CDH6: variants seen among roughly 807,000 people sequenced by gnomAD.
CDH6 encodes the protein cadherin-6.
Under a neutral mutation model 78.0 loss-of-function variants are expected in CDH6, and 31 were observed. That is an observed-to-expected ratio of 0.40 (90% CI 0.30 to 0.54). The LOEUF is 0.54. CDH6 is among the 20% of genes least tolerant of loss of function. CDH6 has a pLI of 0.56. For missense variants in CDH6, 724 were observed against 975.9 expected (o/e 0.74, Z 3.44); for synonymous variants, 376 against 368.8 (o/e 1.02, Z -0.23).
At chr5:31,298,224 A>AT (rs752908936) in intron 4 of CDH6, among the ~76,000 whole-genome samples, 18 of 152,210 alleles carry the variant, frequency 1.2e-4, no homozygotes, top group Non-Finnish European at 2.5e-4. Context: ...AATTGCACAC[A>AT]TATTTTTATC....
rs1313038914 is a variant in CDH6 at position 31,325,500 on chromosome 5, T to C, written c.*2192T>C. ...ACAGCACCTTAATCACACGATTTAC[T>C]GTAAAATTAAAGAGGTCTCTATCTG... is the stretch of plus-strand genomic sequence containing the variant. On this transcript the variant is annotated 3_prime_UTR_variant, in exon 12 of 12. Transcript: ENST00000265071. 1 of 231,048 alleles carries C rather than the reference T, an allele frequency of 4.3e-6. No individual in the cohort carries two copies. The highest frequency in any genetic ancestry group is 8.6e-6 in the Non-Finnish European group (1 of 116,798). 14.3% of individuals were successfully genotyped at this position (231,048 alleles called of 1,614,324 possible). A position where few individuals can be genotyped will look rare whatever the true frequency, so the allele number is the denominator to read the frequency against.
At chr5:31,258,257 A>G (rs1171898918) in intron 1 of CDH6, among the ~76,000 whole-genome samples, 1 of 152,232 alleles carries the variant, frequency 6.6e-6, no homozygotes, top group Non-Finnish European at 1.5e-5. Flanking sequence ...TCAGTGATAG[A>G]CTGGATAAAG....
intron 1 of CDH6, among the ~76,000 whole-genome samples, chr5:31,223,914 A>G (rs1741070407): frequency 6.6e-6 from 1 of 152,224 alleles, no homozygotes; most frequent in Non-Finnish European, 1.5e-5. Flanking sequence ...TTTATCAATG[A>G]TGGTGATAAT....
In CDH6 at chr5:31,326,596, G is replaced by A. The variant is rs797007205; in HGVS notation, c.*3288G>A. The A allele has an allele frequency of 5.5e-6, 1 of 182,592 alleles. No individual in the cohort carries two copies. The highest frequency in any genetic ancestry group is 2.4e-5 in the African/African-American group (1 of 41,926). 11.3% of individuals were successfully genotyped at this position (182,592 alleles called of 1,614,324 possible). On this transcript the variant is annotated 3_prime_UTR_variant, in exon 12 of 12. Coordinates refer to ENST00000265071, the MANE Select transcript of CDH6 (RefSeq NM_004932.4). ...TCCCTTTTCAGATGGAACAAAACCT[G>A]CCCATTTAATTTTAACGCAGTATAA...
chr5:31,277,460 G>A (rs753706696), intron 2 of CDH6, among the ~76,000 whole-genome samples: 6 of 152,260 alleles, frequency 3.9e-5, no homozygotes, highest in South Asian at 2.1e-4. Flanking sequence ...GATTAATATC[G>A]TAATCTCCTT....
At chr5:31,246,363 G>C (rs1480193712) in intron 1 of CDH6, among the ~76,000 whole-genome samples, 1 of 152,132 alleles carries the variant, frequency 6.6e-6, no homozygotes, top group African/African-American at 2.4e-5. Context: ...AGCCAAATGA[G>C]TTAAAATTTT....
At chr5:31,247,674 A>G (rs778406561) in intron 1 of CDH6, among the ~76,000 whole-genome samples, 4 of 152,252 alleles carry the variant, frequency 2.6e-5, no homozygotes, top group Non-Finnish European at 5.9e-5. Context: ...GTGATGATTC[A>G]TTCTGTTTTT....
chr5:31,235,721 C>A (rs1325354239), intron 1 of CDH6, among the ~76,000 whole-genome samples: 2 of 152,140 alleles, frequency 1.3e-5, no homozygotes, highest in Admixed American at 1.3e-4. Flanking sequence ...CATTTCCAAA[C>A]ATATGTTCTG....
At chr5:31,241,677 G>A (rs1028042948) in intron 1 of CDH6, among the ~76,000 whole-genome samples, 1 of 152,208 alleles carries the variant, frequency 6.6e-6, no homozygotes, top group African/African-American at 2.4e-5. Context: ...GGCATCATCA[G>A]CATTAAGCCT....
intron 2 of CDH6, among the ~76,000 whole-genome samples, chr5:31,275,479 T>A (rs1742665739): frequency 6.6e-6 from 1 of 152,228 alleles, no homozygotes; most frequent in Non-Finnish European, 1.5e-5. Flanking sequence ...CTTGTGTTAA[T>A]TCACTTAGGA....
At position 31,317,659 on chromosome 5, in the gene CDH6, C is replaced by T. The variant is rs1738362218; in HGVS notation, c.1631-14C>T. On this transcript the variant is annotated splice_polypyrimidine_tract_variant and intron_variant, in intron 10 of 11. Transcript: ENST00000265071. ...GTATCCACATACATTCACCACTTTG[C>T]TTTCCGGTTCCAGACAACACGGCGG... 1 of 1,602,734 alleles carries T rather than the reference C, an allele frequency of 6.2e-7. No individual in the cohort carries two copies. The highest frequency in any genetic ancestry group is 1.7e-5 in the Admixed American group (1 of 59,590).
chr5:31,225,465 G>T (rs1490754289), intron 1 of CDH6, among the ~76,000 whole-genome samples: 4 of 152,130 alleles, frequency 2.6e-5, no homozygotes, highest in Non-Finnish European at 1.5e-5. Context: ...ATAAAGAAAA[G>T]AGGTTTAATT....
At chr5:31,210,024 C>G (rs1740648978) in intron 1 of CDH6, among the ~76,000 whole-genome samples, 1 of 151,234 alleles carries the variant, frequency 6.6e-6, no homozygotes, top group South Asian at 2.1e-4. Context: ...ATTCTAGGTG[C>G]TATTTAGCTT....
chr5:31,253,994 A>G (rs770630795), intron 1 of CDH6, among the ~76,000 whole-genome samples: 2 of 152,236 alleles, frequency 1.3e-5, no homozygotes, highest in Non-Finnish European at 2.9e-5. Flanking sequence ...CAAAAATATT[A>G]CATGGAAAAT....
intron 1 of CDH6, among the ~76,000 whole-genome samples, chr5:31,213,901 G>A (rs1446350130): frequency 6.6e-6 from 1 of 152,022 alleles, no homozygotes; most frequent in East Asian, 1.9e-4. Flanking sequence ...AAAAATGATT[G>A]CTAAACATTT....
At chr5:31,308,959 A>G (rs10038435) in intron 7 of CDH6, among the ~76,000 whole-genome samples, 1,956 of 152,216 alleles carry the variant, frequency 0.013, 48 homozygotes, top group African/African-American at 0.045. Context: ...TATGAAGTCT[A>G]TGAATATTGA....
intron 2 of CDH6, among the ~76,000 whole-genome samples, chr5:31,292,853 ATATATATATATATATATATATG>A (rs1435958863): frequency 7.3e-3 from 17 of 2,316 alleles, no homozygotes; most frequent in African/African-American, 0.038. Flanking sequence ...ATATGTGTGC[ATATATATATATATATATATATG>A]TATGTGTTTG....
At chr5:31,265,323 T>C (rs1278335594) in intron 1 of CDH6, among the ~76,000 whole-genome samples, 1 of 152,208 alleles carries the variant, frequency 6.6e-6, no homozygotes. Context: ...ATGACAAGTA[T>C]ACTGTTGCCT....
chr5:31,309,515 T>C (rs1312305445), intron 7 of CDH6, among the ~76,000 whole-genome samples: 1 of 152,172 alleles, frequency 6.6e-6, no homozygotes, highest in Non-Finnish European at 1.5e-5. Context: ...TTTAACCTCA[T>C]AAAGTTTTAA....
Sources: gnomAD v4.1 joint callset for allele counts (sites outside exome capture counted in the v4.1 genomes callset) on GRCh38, gnomAD v4.1.1 for gene constraint, MANE v1.5 for transcripts, NCBI Gene and HGNC (gene_info 2026-07-23, HGNC 2026-07-21) for gene names.